The following JAZF1 variants were observed in gnomAD, a reference collection of about 807,000 sequenced individuals.
The protein encoded by JAZF1 is juxtaposed with another zinc finger protein 1.
In JAZF1, 8 loss-of-function variants were observed where a neutral mutation model predicts 26.4. The ratio of observed to expected loss-of-function variants is 0.30; its 90% CI spans 0.18 to 0.55. JAZF1 has a LOEUF of 0.55. JAZF1 is among the 20% of genes least tolerant of loss of function. JAZF1 has a pLI of 0.94. For synonymous variants in JAZF1, 126 were observed against 122.3 expected, an observed-to-expected ratio of 1.03 and a Z score of -0.20; for missense variants, 199 against 322.0, an observed-to-expected ratio of 0.62 and a Z score of 2.92.
intron 2 of JAZF1, among the ~76,000 whole-genome samples, chr7:27,938,583 T>C (rs138989234): frequency 8.3e-4 from 126 of 152,304 alleles, no homozygotes; most frequent in East Asian, 7.3e-3. Context: ...GTTGTGAGGA[T>C]TGAATGAATA....
At chr7:27,891,873 A>T (rs1783981203) in intron 3 of JAZF1, among the ~76,000 whole-genome samples, 1 of 152,180 alleles carries the variant, frequency 6.6e-6, no homozygotes, top group Admixed American at 6.6e-5. Flanking sequence ...CAAAACAAAC[A>T]TTGATTCCAA....
intron 3 of JAZF1, among the ~76,000 whole-genome samples, chr7:27,848,558 C>G (rs185734679): frequency 6.6e-6 from 1 of 152,184 alleles, no homozygotes; most frequent in Non-Finnish European, 1.5e-5. Context: ...AAGGATCCAC[C>G]GGCTGTGACA....
intron 1 of JAZF1, among the ~76,000 whole-genome samples, chr7:28,017,450 C>A (rs959575763): frequency 6.6e-6 from 1 of 151,970 alleles, no homozygotes; most frequent in Admixed American, 6.6e-5. Context: ...CTGTTTTCGG[C>A]TTCTTCCAGC....
chr7:27,849,516 C>A (rs1783092770), intron 3 of JAZF1, among the ~76,000 whole-genome samples: 1 of 152,178 alleles, frequency 6.6e-6, no homozygotes, highest in African/African-American at 2.4e-5. Flanking sequence ...TATTTTCATA[C>A]TCCATGGTTT....
At chr7:28,111,532 C>G (rs951501245) in intron 1 of JAZF1, among the ~76,000 whole-genome samples, 6 of 152,268 alleles carry the variant, frequency 3.9e-5, no homozygotes, top group Admixed American at 2.6e-4. Context: ...CACATGATAG[C>G]TATGTCTTTG....
chr7:27,830,735 T>C lies in JAZF1; in HGVS notation c.*2065A>G, dbSNP rs1189646802. On this transcript the variant is annotated 3_prime_UTR_variant, in exon 5 of 5. Transcript: ENST00000283928. The stretch of plus-strand genomic sequence containing the variant: ...CTGTCCCCAACAAAACATATGAAAA[T>C]ATAATTTAAAGCACAGTTTTCACAG... 1.5e-5 allele frequency: 3 copies of C among 196,204 alleles called. No individual in the cohort carries two copies. The highest frequency in any genetic ancestry group is 6.1e-5 in the Admixed American group (1 of 16,476). 12.2% of individuals were successfully genotyped at this position (196,204 alleles called of 1,614,324 possible). A position where few individuals can be genotyped will look rare whatever the true frequency, so the allele number is the denominator to read the frequency against.
chr7:28,087,138 T>C (rs1784224029), intron 1 of JAZF1, among the ~76,000 whole-genome samples: 1 of 152,218 alleles, frequency 6.6e-6, no homozygotes, highest in East Asian at 1.9e-4. Context: ...ATATGGATAC[T>C]CTACACATTA....
In JAZF1 at chr7:28,147,589, T is replaced by C. The variant is rs117845730; in HGVS notation, c.115+32874A>G. ...TTGGCTGGGTATAGTGGGCCATGCC[T>C]GTAATCCCAGCACTTTGGGAGGCCA... is the stretch of plus-strand genomic sequence containing the variant. On this transcript the variant is annotated intron_variant, in intron 1 of 4. Coordinates refer to ENST00000283928, the MANE Select transcript of JAZF1 (RefSeq NM_175061.4). Among the ~76,000 whole-genome samples, 1,867 of 151,778 alleles carry C rather than the reference T, an allele frequency of 0.012. 120 individuals are homozygous for C. The East Asian group carries it at 0.21, about 17-fold the overall frequency.
rs973985703 is a variant in JAZF1 at position 28,021,802 on chromosome 7, C to T, written c.116-29821G>A. Among the ~76,000 whole-genome samples the T allele has an allele frequency of 2.0e-5, 3 of 152,340 alleles. No individual in the cohort carries two copies. The South Asian group carries it at 6.2e-4, about 32-fold the overall frequency. On this transcript the variant is annotated intron_variant, in intron 1 of 4. Coordinates refer to ENST00000283928, the MANE Select transcript of JAZF1 (RefSeq NM_175061.4). Reference sequence around the variant, plus strand: ...TTGGCTTTCTGGAGACAAGGGCCCACAGTTCGTCACCATGGGTCCAGCAGA... The same window carrying T: ...TTGGCTTTCTGGAGACAAGGGCCCATAGTTCGTCACCATGGGTCCAGCAGA...
intron 1 of JAZF1, among the ~76,000 whole-genome samples, chr7:28,035,313 CAAAAA>C (rs201602870): frequency 6.2e-4 from 17 of 27,450 alleles, no homozygotes; most frequent in South Asian, 3.8e-3. Context: ...GACTCCATCT[CAAAAA>C]AAAAAAAAAA....
chr7:28,138,367 T>C (rs1427073837), intron 1 of JAZF1, among the ~76,000 whole-genome samples: 3 of 152,206 alleles, frequency 2.0e-5, no homozygotes, highest in African/African-American at 4.8e-5. Flanking sequence ...AATTTATGTA[T>C]TGCCACTAGG....
At chr7:27,895,919 C>T (rs1562521955) in intron 2 of JAZF1, among the ~76,000 whole-genome samples, 1 of 152,030 alleles carries the variant, frequency 6.6e-6, no homozygotes, top group Non-Finnish European at 1.5e-5. Flanking sequence ...CTTTGATTCT[C>T]ATATTGTTAT....
intron 3 of JAZF1, chr7:27,846,392 C>CATATACATATACGTGTAT (rs1554328577): frequency 2.4e-4 from 100 of 419,712 alleles, no homozygotes; most frequent in Non-Finnish European, 4.6e-4. Flanking sequence ...CGTATATATA[C>CATATACATATACGTGTAT]ATATACGTAT....
chr7:28,097,133 C>T (rs1346415121), intron 1 of JAZF1, among the ~76,000 whole-genome samples: 1 of 152,150 alleles, frequency 6.6e-6, no homozygotes, highest in Non-Finnish European at 1.5e-5. Flanking sequence ...CCCACTTTCC[C>T]ACCCAACCTC....
intron 1 of JAZF1, among the ~76,000 whole-genome samples, chr7:28,016,260 A>G (rs988001083): frequency 6.6e-6 from 1 of 152,192 alleles, no homozygotes; most frequent in Non-Finnish European, 1.5e-5. Flanking sequence ...ATGATGCATC[A>G]AGTCACTTAC....
chr7:28,046,904 T>C (rs1481640095), intron 1 of JAZF1, among the ~76,000 whole-genome samples: 2 of 152,206 alleles, frequency 1.3e-5, no homozygotes, highest in African/African-American at 2.4e-5. Context: ...TTCACATATT[T>C]TTCTCCCAGT....
intron 1 of JAZF1, among the ~76,000 whole-genome samples, chr7:28,003,295 C>G (rs1782635360): frequency 6.6e-6 from 1 of 151,896 alleles, no homozygotes; most frequent in East Asian, 1.9e-4. Flanking sequence ...TAAAATCACA[C>G]CTGAATCACC....
At chr7:28,044,541 AAG>A (rs1783460609) in intron 1 of JAZF1, among the ~76,000 whole-genome samples, 1 of 152,208 alleles carries the variant, frequency 6.6e-6, no homozygotes, top group African/African-American at 2.4e-5. Context: ...CAAAAATTTT[AAG>A]AGTCTGCCCA....
At chr7:28,146,897 C>T (rs1348464301) in intron 1 of JAZF1, among the ~76,000 whole-genome samples, 1 of 149,548 alleles carries the variant, frequency 6.7e-6, no homozygotes, top group African/African-American at 2.5e-5. Flanking sequence ...CGTTCTGTCA[C>T]CCAGGCTAGA....
Sources: gnomAD v4.1 joint callset for allele counts (sites outside exome capture counted in the v4.1 genomes callset) on GRCh38, gnomAD v4.1.1 for gene constraint, MANE v1.5 for transcripts, NCBI Gene and HGNC (gene_info 2026-07-23, HGNC 2026-07-21) for gene names.